The following EVA1A variants were observed in gnomAD, a reference collection of about 807,000 sequenced individuals.
The protein encoded by EVA1A is eva-1 homolog A, regulator of programmed cell death, also known as protein eva-1 homolog A.
A neutral mutation model predicts 9.8 loss-of-function variants in EVA1A; 7 were observed. The ratio of observed to expected loss-of-function variants is 0.71; its 90% CI spans 0.41 to 1.34. The LOEUF is 1.34. EVA1A is among the 40% of genes most tolerant of loss of function. The probability of loss-of-function intolerance (pLI) is 0.01; values close to 1 mark genes in which losing one functional copy is unlikely to be tolerated. For missense variants in EVA1A, 206 were observed against 205.9 expected, an observed-to-expected ratio of 1.00 and a Z score of 0.00; for synonymous variants, 90 against 85.6, an observed-to-expected ratio of 1.05 and a Z score of -0.28.
chr2:75,545,784 C>T (rs2103953347), intron 1 of EVA1A, among the ~76,000 whole-genome samples: 1 of 152,214 alleles, frequency 6.6e-6, no homozygotes, highest in South Asian at 2.1e-4. Context: ...AAGCCTCAGT[C>T]AGTGTCTCCT....
intron 1 of EVA1A, among the ~76,000 whole-genome samples, chr2:75,536,391 T>C (rs1465830709): frequency 1.3e-5 from 2 of 151,832 alleles, no homozygotes; most frequent in South Asian, 2.1e-4. Context: ...ACAAAAACAA[T>C]ATTGTCAGGT....
chr2:75,547,531 G>T (rs1453672482), intron 1 of EVA1A, among the ~76,000 whole-genome samples: 1 of 152,160 alleles, frequency 6.6e-6, no homozygotes, highest in Non-Finnish European at 1.5e-5. Context: ...CCAGATGTGC[G>T]CATGATTCTG....
At chr2:75,520,000 T>C (rs539713046) in intron 2 of EVA1A, among the ~76,000 whole-genome samples, 1 of 152,282 alleles carries the variant, frequency 6.6e-6, no homozygotes, top group African/African-American at 2.4e-5. Context: ...ACAACCCAAC[T>C]CTAATGAATT....
chr2:75,504,363 A>C (rs897719418), intron 3 of EVA1A, among the ~76,000 whole-genome samples: 12 of 152,162 alleles, frequency 7.9e-5, no homozygotes, highest in African/African-American at 2.9e-4. Flanking sequence ...GTGAGATGAG[A>C]TCGCACCATT....
chr2:75,553,332 G>A (rs1482305304), intron 1 of EVA1A, among the ~76,000 whole-genome samples: 2 of 152,220 alleles, frequency 1.3e-5, no homozygotes, highest in Admixed American at 6.5e-5. Flanking sequence ...TTCATTGATT[G>A]AGCATCTGCC....
At chr2:75,538,182 C>T (rs185508580) in intron 1 of EVA1A, among the ~76,000 whole-genome samples, 21 of 152,134 alleles carry the variant, frequency 1.4e-4, no homozygotes, top group South Asian at 4.2e-4. Context: ...CCCAGTTTCT[C>T]GGGAGGCTGA....
At chr2:75,521,937 A>G (rs1183275041) in intron 2 of EVA1A, among the ~76,000 whole-genome samples, 1 of 152,212 alleles carries the variant, frequency 6.6e-6, no homozygotes, top group Non-Finnish European at 1.5e-5. Context: ...TTTTAAGTTA[A>G]TAAGAATGAT....
At chr2:75,536,520 G>A (rs1444471569) in intron 1 of EVA1A, among the ~76,000 whole-genome samples, 2 of 151,604 alleles carry the variant, frequency 1.3e-5, no homozygotes, top group Non-Finnish European at 2.9e-5. Context: ...TTACCAGAGG[G>A]TCTTTGAAAA....
At chr2:75,565,849 A>T (rs775809808), upstream of EVA1A, among the ~76,000 whole-genome samples, 16 of 152,128 alleles carry the variant, frequency 1.1e-4, no homozygotes, top group East Asian at 5.8e-4. Context: ...GAGGCCGAAA[A>T]TTTTTTTTCA....
At position 75,492,411 on chromosome 2, in the gene EVA1A, T is replaced by TAAAAAAAAAA. The variant is rs3081153; in HGVS notation, c.*815_*824dup. 7.2e-6 allele frequency: 1 copy of TAAAAAAAAAA among 138,320 alleles called. No individual in the cohort carries two copies. The highest frequency in any genetic ancestry group is 1.5e-5 in the Non-Finnish European group (1 of 64,880). 8.6% of individuals were successfully genotyped at this position (138,320 alleles called of 1,614,324 possible). The stretch of plus-strand genomic sequence containing the variant: ...TCCATTCTTTTCTTTGAAATCCAAT[T>TAAAAAAAAAA]AAAAAAAAAAAAAAAAACAAAGTGT... On this transcript the variant is annotated 3_prime_UTR_variant, in exon 4 of 4. Coordinates refer to ENST00000393913, the MANE Select transcript of EVA1A (RefSeq NM_001135032.2).
At chr2:75,531,623 G>T (rs1396837090) in intron 1 of EVA1A, among the ~76,000 whole-genome samples, 1 of 152,212 alleles carries the variant, frequency 6.6e-6, no homozygotes, top group East Asian at 1.9e-4. Context: ...AACCTGGATG[G>T]AGTTGGAGAC....
intron 1 of EVA1A, among the ~76,000 whole-genome samples, chr2:75,542,857 G>A (rs184302566): frequency 3.4e-4 from 52 of 152,258 alleles, no homozygotes; most frequent in Non-Finnish European, 6.2e-4. Flanking sequence ...TGGAAAGGTA[G>A]GTTGGAATCA....
chr2:75,534,946 A>G (rs1475011743), intron 1 of EVA1A, among the ~76,000 whole-genome samples: 3 of 152,320 alleles, frequency 2.0e-5, no homozygotes, highest in Non-Finnish European at 4.4e-5. Context: ...ATAGGGATCC[A>G]GTTTAATTCT....
At chr2:75,524,388 G>A (rs1675343384) in intron 1 of EVA1A, among the ~76,000 whole-genome samples, 1 of 150,810 alleles carries the variant, frequency 6.6e-6, no homozygotes, top group African/African-American at 2.4e-5. Context: ...TCTTTTCTCT[G>A]CACAGCCTGG....
At chr2:75,522,017 T>C (rs1410266438) in intron 2 of EVA1A, among the ~76,000 whole-genome samples, 1 of 152,208 alleles carries the variant, frequency 6.6e-6, no homozygotes, top group Non-Finnish European at 1.5e-5. Flanking sequence ...CATTATGATA[T>C]GGCTTAATTT....
At chr2:75,549,237 T>C (rs893875949) in intron 1 of EVA1A, among the ~76,000 whole-genome samples, 18 of 151,934 alleles carry the variant, frequency 1.2e-4, no homozygotes, top group African/African-American at 3.9e-4. Context: ...AACATGTACA[T>C]AGGACTTTTT....
chr2:75,548,514 AC>A (rs1186372272), intron 1 of EVA1A, among the ~76,000 whole-genome samples: 3 of 151,928 alleles, frequency 2.0e-5, no homozygotes, highest in Admixed American at 6.6e-5. Context: ...TGTTGCCTCC[AC>A]CTGTAACATC....
intron 1 of EVA1A, among the ~76,000 whole-genome samples, chr2:75,550,999 T>C (rs549464555): frequency 3.9e-5 from 6 of 152,316 alleles, no homozygotes; most frequent in East Asian, 1.9e-4. Context: ...AGTGTGTGTC[T>C]GTAATCCCAG....
intron 1 of EVA1A, among the ~76,000 whole-genome samples, chr2:75,566,012 T>A (rs1677020329): frequency 6.6e-6 from 1 of 152,186 alleles, no homozygotes; most frequent in Non-Finnish European, 1.5e-5. Flanking sequence ...TCTCTCTTTC[T>A]CCAGTTGTCT....
Sources: gnomAD v4.1 joint callset for allele counts (sites outside exome capture counted in the v4.1 genomes callset) on GRCh38, gnomAD v4.1.1 for gene constraint, MANE v1.5 for transcripts, NCBI Gene and HGNC (gene_info 2026-07-23, HGNC 2026-07-21) for gene names.